The following NRG1 variants were observed in gnomAD, a reference collection of about 807,000 sequenced individuals.
The protein encoded by NRG1 is neuregulin 1, also known as pro-neuregulin-1, membrane-bound isoform.
NRG1 carries 18 observed loss-of-function variants against 63.8 expected under a neutral mutation model. The ratio of observed to expected loss-of-function variants is 0.28; its 90% confidence interval spans 0.19 to 0.42. The LOEUF (loss-of-function observed/expected upper bound fraction) is 0.42, where lower values mean the gene tolerates loss of function less well. Among genes scored for constraint, NRG1 ranks in the 10% least tolerant of loss-of-function variants. The pLI is 1.00. For synonymous variants in NRG1, 302 were observed against 301.3 expected (o/e 1.00, Z -0.02); for missense variants, 762 against 814.7 (o/e 0.94, Z 0.79).
intron 1 of NRG1, among the ~76,000 whole-genome samples, chr8:31,875,368 A>G (rs545392503): frequency 6.6e-6 from 1 of 152,298 alleles, no homozygotes; most frequent in South Asian, 2.1e-4. Flanking sequence ...GCAACAATAA[A>G]GAAAGAATAT....
intron 1 of NRG1, among the ~76,000 whole-genome samples, chr8:32,551,910 CTTT>C (rs34051371): frequency 1.2e-3 from 133 of 112,110 alleles, no homozygotes; most frequent in Middle Eastern, 4.9e-3. Flanking sequence ...AAAACCAGAG[CTTT>C]TTTTTTTTTT....
chr8:31,936,593 A>G (rs1462872), intron 1 of NRG1, among the ~76,000 whole-genome samples: 111,308 of 152,094 alleles, frequency 0.73, 44,006 homozygotes, highest in Non-Finnish European at 0.89. Flanking sequence ...ACCTCAGAAA[A>G]GTTTTCTTAA....
chr8:32,021,149 T>C (rs1461528148), intron 1 of NRG1, among the ~76,000 whole-genome samples: 5 of 152,238 alleles, frequency 3.3e-5, no homozygotes, highest in South Asian at 2.1e-4. Context: ...AGTTGATTTT[T>C]ATTTTTTTCA....
chr8:31,826,723 G>A (rs537480132), intron 1 of NRG1, among the ~76,000 whole-genome samples: 191 of 152,304 alleles, frequency 1.3e-3, no homozygotes, highest in Non-Finnish European at 2.4e-3. Flanking sequence ...TAGGTGTGGA[G>A]TAGAAGAATA....
chr8:31,995,808 G>A (rs943837955), intron 1 of NRG1, among the ~76,000 whole-genome samples: 4 of 151,926 alleles, frequency 2.6e-5, no homozygotes, highest in African/African-American at 9.7e-5. Flanking sequence ...TTGCAATTGC[G>A]TAGTAGTACA....
rs530789165 is a variant in NRG1 at position 31,726,203 on chromosome 8, T to A, written c.37+86772T>A. 2.6e-5 allele frequency among the ~76,000 whole-genome samples: 4 copies of A among 152,280 alleles called. No homozygotes were observed. In the South Asian group the frequency reaches 8.3e-4, roughly 32 times the overall value. On this transcript the variant is annotated intron_variant, in intron 1 of 10. Transcript: ENST00000519301. The stretch of plus-strand genomic sequence containing the variant: ...AGTATAGGTGACGGCTTCAGCTTTG[T>A]AATTACCTATTAATTGATATCTGTA...
chr8:32,365,276 T>G (rs1296417328), intron 1 of NRG1, among the ~76,000 whole-genome samples: 1 of 152,142 alleles, frequency 6.6e-6, no homozygotes, highest in African/African-American at 2.4e-5. Context: ...AGGGATTTCT[T>G]TTTTTTAGAT....
intron 1 of NRG1, among the ~76,000 whole-genome samples, chr8:32,522,477 G>C (rs1830431960): frequency 6.6e-6 from 1 of 152,068 alleles, no homozygotes; most frequent in Non-Finnish European, 1.5e-5. Flanking sequence ...TCTTCTTCCT[G>C]TCCTATTACT....
chr8:32,412,427 T>C lies in NRG1; in HGVS notation c.38-183401T>C, dbSNP rs1286694752. ...CTCTCTCTCTCTCTCTCTCTACATA[T>C]ATATATATATATATATATATATATA... is the stretch of plus-strand genomic sequence containing the variant. On this transcript the variant is annotated intron_variant, in intron 1 of 10. Coordinates refer to the NRG1 transcript ENST00000519301. Among the ~76,000 whole-genome samples, 295 of 48,224 alleles carry C rather than the reference T, an allele frequency of 6.1e-3. 1 individual carries two copies. Among genetic ancestry groups the C allele is most frequent in the Non-Finnish European group, 7.8e-3 (160 of 20,488 alleles). The allele number at this position is 48,224 out of a possible 152,430, so 31.6% of individuals were successfully genotyped here.
At chr8:32,046,570 AAAAC>A (rs767025855) in intron 1 of NRG1, among the ~76,000 whole-genome samples, 115 of 152,252 alleles carry the variant, frequency 7.6e-4, no homozygotes, top group Non-Finnish European at 1.3e-3. Context: ...GGTGAATAGA[AAAAC>A]AAACTGTGGT....
intron 1 of NRG1, among the ~76,000 whole-genome samples, chr8:31,750,936 G>A (rs781672036): frequency 6.6e-6 from 1 of 151,932 alleles, no homozygotes; most frequent in Non-Finnish European, 1.5e-5. Context: ...TGGAATTTGT[G>A]TATTCTAATA....
At position 32,107,952 on chromosome 8, in the gene NRG1, A is replaced by G. The variant is rs572997647; in HGVS notation, c.37+468521A>G. On this transcript the variant is annotated intron_variant, in intron 1 of 10. Transcript: ENST00000519301. ...CACCCCTATGTTAATGTCTGTTTACACTGTGAGTTTGTAAAAGCTTCTGAT... is the reference window on the plus strand; with the variant it reads ...CACCCCTATGTTAATGTCTGTTTACGCTGTGAGTTTGTAAAAGCTTCTGAT... Among the ~76,000 whole-genome samples, 3 of 152,364 alleles carry G rather than the reference A, an allele frequency of 2.0e-5. No homozygotes were observed. The South Asian group carries it at 6.2e-4, about 32-fold the overall frequency.
At chr8:32,099,781 G>A (rs16878802) in intron 1 of NRG1, 4,125 of 152,320 alleles carry the variant, frequency 0.027, 114 homozygotes, top group African/African-American at 0.059. Flanking sequence ...GGGCTATAGA[G>A]CGGGAAGATT....
At chr8:32,738,728 A>T (rs1359560726) in intron 6 of NRG1, among the ~76,000 whole-genome samples, 8 of 152,218 alleles carry the variant, frequency 5.3e-5, no homozygotes, top group South Asian at 2.1e-4. Context: ...TTTCATTTGC[A>T]TGTGCTTTCT....
intron 1 of NRG1, among the ~76,000 whole-genome samples, chr8:32,307,999 G>T (rs559219753): frequency 6.6e-6 from 1 of 152,122 alleles, no homozygotes; most frequent in African/African-American, 2.4e-5. Flanking sequence ...CTCCGACCAC[G>T]CTGGGTGAGG....
intron 1 of NRG1, among the ~76,000 whole-genome samples, chr8:31,794,831 C>A (rs1821047178): frequency 1.3e-5 from 2 of 151,996 alleles, no homozygotes; most frequent in African/African-American, 4.8e-5. Flanking sequence ...ATGATGGAGT[C>A]CCACTCTATC....
At chr8:31,708,691 C>G (rs552224975) in intron 1 of NRG1, among the ~76,000 whole-genome samples, 5 of 151,986 alleles carry the variant, frequency 3.3e-5, no homozygotes, top group Middle Eastern at 6.8e-3. Flanking sequence ...GTGATCCGCC[C>G]GCCTCGGCCT....
intron 6 of NRG1, among the ~76,000 whole-genome samples, chr8:32,730,578 G>C (rs966006575): frequency 6.6e-6 from 1 of 152,098 alleles, no homozygotes; most frequent in Admixed American, 6.6e-5. Context: ...TTCACTTCTT[G>C]GTCACTAAAA....
At chr8:32,403,065 A>G (rs112806220) in intron 1 of NRG1, among the ~76,000 whole-genome samples, 41,424 of 151,798 alleles carry the variant, frequency 0.27, 5,948 homozygotes, top group Middle Eastern at 0.34. Flanking sequence ...TTGGGAGGCC[A>G]AGACGGGTGG....
Sources: gnomAD v4.1 joint callset for allele counts (sites outside exome capture counted in the v4.1 genomes callset) on GRCh38, gnomAD v4.1.1 for gene constraint, MANE v1.5 for transcripts, NCBI Gene and HGNC (gene_info 2026-07-23, HGNC 2026-07-21) for gene names.